Variants in ATXN1 observed in about 807,000 individuals in gnomAD.
ATXN1 encodes ataxin 1.
In ATXN1, 8 loss-of-function variants were observed where a neutral mutation model predicts 56.4. The observed-to-expected ratio is 0.14, with a 90% CI of 0.08 to 0.26. ATXN1 has a LOEUF of 0.26. ATXN1 is among the 10% of genes least tolerant of loss of function. ATXN1 has a pLI of 1.00. For synonymous variants in ATXN1, 514 were observed against 494.6 expected, an observed-to-expected ratio of 1.04 and a Z score of -0.52; for missense variants, 987 against 1,106.5, an observed-to-expected ratio of 0.89 and a Z score of 1.53.
chr6:16,621,034 T>G (rs1211827844), intron 3 of ATXN1, among the ~76,000 whole-genome samples: 1 of 152,224 alleles, frequency 6.6e-6, no homozygotes, highest in Middle Eastern at 3.2e-3. Flanking sequence ...AATAAAGCAT[T>G]CCTGGCATCC....
rs931053536 is a variant in ATXN1, at chr6:16,704,598, C to A, written c.-614-46697G>T. Reference sequence around the variant, plus strand: ...CCAACAAGAAGTACTTCCCACACTCCGGTCGGTAATTTCTGCACTTTTTTA... The same window carrying A: ...CCAACAAGAAGTACTTCCCACACTCAGGTCGGTAATTTCTGCACTTTTTTA... On this transcript the variant is annotated intron_variant, in intron 2 of 7. Coordinates refer to ENST00000436367, the MANE Select transcript of ATXN1 (RefSeq NM_001128164.2). 9.8e-4 allele frequency among the ~76,000 whole-genome samples: 149 copies of A among 152,192 alleles called. 1 individual carries two copies. Among genetic ancestry groups the A allele is most frequent in the Admixed American group, 9.7e-3 (148 of 15,286 alleles).
intron 6 of ATXN1, among the ~76,000 whole-genome samples, chr6:16,357,818 T>C (rs371277637): frequency 6.6e-6 from 1 of 151,998 alleles, no homozygotes; most frequent in East Asian, 1.9e-4. Context: ...CAGGTGGGAA[T>C]AGGAAAGGTA....
chr6:16,606,979 C>T (rs372066782), intron 3 of ATXN1, among the ~76,000 whole-genome samples: 9 of 146,342 alleles, frequency 6.1e-5, no homozygotes, highest in East Asian at 2.1e-4. Context: ...CTCTGCCTCC[C>T]GGGTTCAAGC....
chr6:16,436,859 T>C (rs1272303228), intron 6 of ATXN1, among the ~76,000 whole-genome samples: 1 of 152,120 alleles, frequency 6.6e-6, no homozygotes, highest in Non-Finnish European at 1.5e-5. Context: ...ATGCTGGCTG[T>C]TGCATGGAGG....
rs1758775029 is a variant in ATXN1, at chr6:16,410,530, G to T, written c.-161+75442C>A. Among the ~76,000 whole-genome samples, 1 of 152,146 alleles carries T rather than the reference G, an allele frequency of 6.6e-6. No homozygotes were observed. Reference sequence around the variant, plus strand: ...TTTTGGAGATTATGGTTCAACCAGTGATTTGTCTAAACCTGTTTGAGGATT... The same window carrying T: ...TTTTGGAGATTATGGTTCAACCAGTTATTTGTCTAAACCTGTTTGAGGATT... On this transcript the variant is annotated intron_variant, in intron 6 of 7. Transcript: ENST00000436367. This position sits in a 1 kb window ranked among gnomAD's most constrained non-coding sequence, Gnocchi z 4.6.
At chr6:16,362,512 GCCCGGT>G (rs1275476716) in intron 6 of ATXN1, among the ~76,000 whole-genome samples, 1 of 151,774 alleles carries the variant, frequency 6.6e-6, no homozygotes, top group Non-Finnish European at 1.5e-5. Flanking sequence ...CTTCGCTCCC[GCCCGGT>G]CCCTCTCCTG....
At chr6:16,351,768 C>G (rs1400303025) in intron 6 of ATXN1, among the ~76,000 whole-genome samples, 1 of 152,160 alleles carries the variant, frequency 6.6e-6, no homozygotes, top group Non-Finnish European at 1.5e-5. Flanking sequence ...GGAAACCAGG[C>G]CTCCTTTCAG....
At chr6:16,313,497 GA>G in intron 7 of ATXN1, among the ~76,000 whole-genome samples, 1 of 151,980 alleles carries the variant, frequency 6.6e-6, no homozygotes, top group Non-Finnish European at 1.5e-5. Flanking sequence ...ATTCACGAGA[GA>G]AAAGTGATGG....
chr6:16,518,032 G>C (rs555123382), intron 5 of ATXN1, among the ~76,000 whole-genome samples: 1 of 152,206 alleles, frequency 6.6e-6, no homozygotes, highest in Non-Finnish European at 1.5e-5. Context: ...CCATGAGACC[G>C]ACAAGGCTTT....
At chr6:16,665,690 G>A (rs940037496) in intron 2 of ATXN1, among the ~76,000 whole-genome samples, 1 of 152,024 alleles carries the variant, frequency 6.6e-6, no homozygotes, top group African/African-American at 2.4e-5. Flanking sequence ...GTCCTCTTGG[G>A]GATCACTGAG....
intron 2 of ATXN1, among the ~76,000 whole-genome samples, chr6:16,724,521 C>A (rs1335234726): frequency 6.6e-6 from 1 of 152,126 alleles, no homozygotes; most frequent in Non-Finnish European, 1.5e-5. Flanking sequence ...GCAAGCAACC[C>A]ATGAACAGGG....
chr6:16,573,548 T>C (rs752084088), intron 4 of ATXN1, among the ~76,000 whole-genome samples: 30 of 152,152 alleles, frequency 2.0e-4, no homozygotes, highest in Non-Finnish European at 3.5e-4. Flanking sequence ...TTCAGATATA[T>C]ACACACAAAC....
At chr6:16,687,628 G>A (rs145622406) in intron 2 of ATXN1, among the ~76,000 whole-genome samples, 4 of 145,564 alleles carry the variant, frequency 2.7e-5, no homozygotes, top group East Asian at 4.2e-4. Context: ...CAGCATTTTC[G>A]TATAAGCAGC....
intron 6 of ATXN1, among the ~76,000 whole-genome samples, chr6:16,394,165 G>A (rs1440494819): frequency 1.3e-5 from 2 of 152,070 alleles, no homozygotes; most frequent in African/African-American, 4.8e-5. Context: ...AGTCTCCACT[G>A]TCAAAATGTG....
chr6:16,752,633 C>G (rs9367926), intron 2 of ATXN1, among the ~76,000 whole-genome samples: 28,166 of 152,092 alleles, frequency 0.19, 3,293 homozygotes, highest in East Asian at 0.62. Flanking sequence ...TTTTTCCTTC[C>G]TGATTTAATT....
At position 16,651,644 on chromosome 6, in the gene ATXN1, G is replaced by C. The variant is rs1763895468; in HGVS notation, c.-489+6132C>G. On this transcript the variant is annotated intron_variant, in intron 3 of 7. Transcript: ENST00000436367. The stretch of plus-strand genomic sequence containing the variant: ...CAAATGGTGAGCTAGTGACCCTGGA[G>C]CCCATAAACGTAGGACAATGACAAA... 1.3e-5 allele frequency among the ~76,000 whole-genome samples: 2 copies of C among 152,100 alleles called. 1 individual carries two copies. Among genetic ancestry groups the C allele is most frequent in the South Asian group, 4.1e-4 (2 of 4,830 alleles).
intron 6 of ATXN1, among the ~76,000 whole-genome samples, chr6:16,407,705 A>G (rs1028316476): frequency 2.6e-5 from 4 of 152,186 alleles, no homozygotes; most frequent in Non-Finnish European, 4.4e-5. Context: ...TCATTAGACT[A>G]TGTAGCTAGA....
intron 2 of ATXN1, among the ~76,000 whole-genome samples, chr6:16,750,511 C>G (rs1442369969): frequency 6.6e-6 from 1 of 152,202 alleles, no homozygotes; most frequent in Non-Finnish European, 1.5e-5. Context: ...ATCGTGAGGA[C>G]TGTAATGAGG....
chr6:16,439,114 C>G (rs1048549514), intron 6 of ATXN1, among the ~76,000 whole-genome samples: 2 of 151,922 alleles, frequency 1.3e-5, no homozygotes, highest in Non-Finnish European at 2.9e-5. Context: ...GGTGCTAAAT[C>G]TAACCTACAC....
Sources: allele counts gnomAD v4.1 joint callset (sites outside exome capture counted in the v4.1 genomes callset), GRCh38; gene constraint gnomAD v4.1.1; non-coding constraint Gnocchi (gnomAD v3.1); transcripts MANE v1.5; gene names NCBI Gene and HGNC (gene_info 2026-07-23, HGNC 2026-07-21).